The following PPP2R3A variants were observed in gnomAD, a reference collection of about 807,000 sequenced individuals.
PPP2R3A encodes protein phosphatase 2 regulatory subunit B''alpha, also known as serine/threonine-protein phosphatase 2A regulatory subunit B'' subunit alpha.
Under a neutral mutation model 106.9 loss-of-function variants are expected in PPP2R3A, and 80 were observed. The ratio of observed to expected loss-of-function variants is 0.75; its 90% CI spans 0.62 to 0.90. PPP2R3A has a LOEUF of 0.90. Among genes scored for constraint, PPP2R3A ranks in the 40% least tolerant of loss-of-function variants. PPP2R3A has a pLI of 0.00. For missense variants in PPP2R3A, 1,386 were observed against 1,350.4 expected (o/e 1.03, Z -0.41); for synonymous variants, 483 against 468.3 (o/e 1.03, Z -0.41).
At chr3:136,075,241 G>A (rs770824553) in intron 6 of PPP2R3A, among the ~76,000 whole-genome samples, 1 of 152,030 alleles carries the variant, frequency 6.6e-6, no homozygotes, top group Non-Finnish European at 1.5e-5. Context: ...GGTGAAAAAT[G>A]GTCAGATTTC....
In PPP2R3A at chr3:136,002,354, G is replaced by C. The variant is rs756912790; in HGVS notation, c.856G>C (p.Ala286Pro). Reference sequence around the variant, plus strand: ...CTATATGAATGTAATGACCAGGTTAGCATCCTATCTGAAAAAGTTACCATT... The same window carrying C: ...CTATATGAATGTAATGACCAGGTTACCATCCTATCTGAAAAAGTTACCATT... ...TVYMNVMTRLASYLKKLPFEF... is the reference protein window; with the variant it reads ...TVYMNVMTRLPSYLKKLPFEF... Residue 286 changes from alanine (A) to proline (P), a missense_variant, in exon 2 of 14, where the codon GCA becomes CCA. Transcript: ENST00000264977. 1.2e-6 allele frequency: 2 copies of C among 1,613,854 alleles called. No homozygotes were observed. The highest frequency in any genetic ancestry group is 4.5e-5 in the East Asian group (2 of 44,866).
At chr3:136,053,361 A>AAAAAAAAAG (rs1935747141) in intron 5 of PPP2R3A, among the ~76,000 whole-genome samples, 2 of 151,378 alleles carry the variant, frequency 1.3e-5, no homozygotes, top group South Asian at 4.2e-4. Flanking sequence ...TATATGGATC[A>AAAAAAAAAG]AAAAAAAAGA....
rs138963166 is a variant in PPP2R3A, at chr3:135,991,422, T to C, written c.-440-9637T>C. On this transcript the variant is annotated intron_variant, in intron 1 of 13. Coordinates refer to ENST00000264977, the MANE Select transcript of PPP2R3A (RefSeq NM_002718.5). ...AATATAGCTAGACAGAGGCAAAAACTATTGGTGATATTTTGGAGTATATAA... is the reference window on the plus strand; with the variant it reads ...AATATAGCTAGACAGAGGCAAAAACCATTGGTGATATTTTGGAGTATATAA... Among the ~76,000 whole-genome samples, 734 of 152,326 alleles carry C rather than the reference T, an allele frequency of 4.8e-3. 3 individuals are homozygous for C. Among genetic ancestry groups the C allele is most frequent in the Non-Finnish European group, 8.6e-3 (583 of 68,024 alleles).
intron 13 of PPP2R3A, among the ~76,000 whole-genome samples, chr3:136,120,947 TTCC>T (rs1937972855): frequency 6.6e-6 from 1 of 151,938 alleles, no homozygotes; most frequent in African/African-American, 2.4e-5. Context: ...GTTGGCAGGG[TTCC>T]AGAGAAAAGG....
chr3:136,139,299 AG>A (rs1938754684), intron 13 of PPP2R3A, among the ~76,000 whole-genome samples: 1 of 152,222 alleles, frequency 6.6e-6, no homozygotes, highest in Non-Finnish European at 1.5e-5. Flanking sequence ...CTCATCTGAA[AG>A]GGAAGACTTA....
intron 10 of PPP2R3A, among the ~76,000 whole-genome samples, chr3:136,093,177 G>A (rs1296586597): frequency 1.3e-5 from 2 of 152,206 alleles, no homozygotes. Flanking sequence ...GGGAGGCCAA[G>A]GCAGGTGGAT....
chr3:136,081,054 C>T (rs1023677218), intron 7 of PPP2R3A, among the ~76,000 whole-genome samples: 1 of 151,662 alleles, frequency 6.6e-6, no homozygotes, highest in African/African-American at 2.4e-5. Flanking sequence ...AGCACAGTGG[C>T]GCGATCTCGG....
At chr3:135,996,798 C>A (rs965311453) in intron 1 of PPP2R3A, among the ~76,000 whole-genome samples, 1 of 152,184 alleles carries the variant, frequency 6.6e-6, no homozygotes, top group African/African-American at 2.4e-5. Flanking sequence ...TCATTAACAT[C>A]TATTTCAGAT....
Position 136,099,614 on chromosome 3 carries a change from CT to C in PPP2R3A, c.2928-2392del, listed in dbSNP as rs112999278. On this transcript the variant is annotated intron_variant, in intron 10 of 13. Coordinates refer to ENST00000264977, the MANE Select transcript of PPP2R3A (RefSeq NM_002718.5). ...TGTAACCCTCCCAGAAAGAAACCCC[CT>C]CCCCCAAAAAAGATGAAACAATAGG... 6.7e-3 allele frequency among the ~76,000 whole-genome samples: 1,024 copies of C among 151,780 alleles called. 15 individuals carry two copies. The highest frequency in any genetic ancestry group is 0.022 in the African/African-American group (921 of 41,290).
intron 5 of PPP2R3A, among the ~76,000 whole-genome samples, chr3:136,061,013 A>C (rs908611365): frequency 6.6e-6 from 1 of 152,240 alleles, no homozygotes; most frequent in African/African-American, 2.4e-5. Context: ...TTATTTGTCA[A>C]TTTAAATAAA....
intron 2 of PPP2R3A, chr3:136,022,753 T>C (rs1934508993): frequency 1.2e-5 from 13 of 1,116,562 alleles, no homozygotes; most frequent in Non-Finnish European, 1.4e-5. Flanking sequence ...GAAGGCTCCA[T>C]ATTCTCAACA....
intron 1 of PPP2R3A, among the ~76,000 whole-genome samples, chr3:135,986,308 A>G (rs1559852486): frequency 6.6e-6 from 1 of 152,082 alleles, no homozygotes; most frequent in Admixed American, 6.6e-5. Flanking sequence ...CTTAGATTTC[A>G]TCATCAGTCA....
At chr3:136,099,428 T>G (rs1263248504) in intron 10 of PPP2R3A, among the ~76,000 whole-genome samples, 1 of 152,018 alleles carries the variant, frequency 6.6e-6, no homozygotes, top group East Asian at 1.9e-4. Flanking sequence ...AAAAACACAG[T>G]GATTAATATC....
chr3:135,970,269 C>G (rs1442038929), intron 1 of PPP2R3A, among the ~76,000 whole-genome samples: 10 of 152,164 alleles, frequency 6.6e-5, no homozygotes, highest in Admixed American at 6.5e-4. Context: ...CACAGAGGTA[C>G]AGTGGAATGA....
intron 1 of PPP2R3A, among the ~76,000 whole-genome samples, chr3:135,983,347 T>C (rs1485303537): frequency 6.6e-6 from 1 of 152,126 alleles, no homozygotes; most frequent in East Asian, 1.9e-4. Context: ...TGAGGATGAG[T>C]AAATTGTGAT....
chr3:136,104,283 T>A (rs1411971291), intron 12 of PPP2R3A, among the ~76,000 whole-genome samples: 1 of 145,620 alleles, frequency 6.9e-6, no homozygotes, highest in Non-Finnish European at 1.5e-5. Flanking sequence ...CATAATTTTA[T>A]ATTTGTTTCT....
intron 3 of PPP2R3A, among the ~76,000 whole-genome samples, chr3:136,038,662 C>T (rs945470428): frequency 1.3e-5 from 2 of 152,160 alleles, no homozygotes; most frequent in African/African-American, 4.8e-5. Context: ...ACCCTGCCTC[C>T]ATGATACAGA....
At chr3:135,968,043 C>T (rs1434009161) in intron 1 of PPP2R3A, among the ~76,000 whole-genome samples, 1 of 152,212 alleles carries the variant, frequency 6.6e-6, no homozygotes, top group Non-Finnish European at 1.5e-5. Context: ...CTGTTGTGAG[C>T]AGACTGCTGC....
At chr3:136,027,638 C>T (rs757492217) in intron 3 of PPP2R3A, among the ~76,000 whole-genome samples, 2 of 152,174 alleles carry the variant, frequency 1.3e-5, no homozygotes, top group Non-Finnish European at 2.9e-5. Context: ...TGCCTCCAGC[C>T]TCCTCCCAGA....
Sources: allele counts gnomAD v4.1 joint callset (sites outside exome capture counted in the v4.1 genomes callset), GRCh38; gene constraint gnomAD v4.1.1; transcripts MANE v1.5; gene names NCBI Gene and HGNC (gene_info 2026-07-23, HGNC 2026-07-21).